The following TANC2 variants were observed in gnomAD, a reference collection of about 807,000 sequenced individuals.
TANC2 encodes protein TANC2.
In TANC2, 26 loss-of-function variants were observed where a neutral mutation model predicts 210.5. The observed-to-expected ratio is 0.12, with a 90% CI of 0.09 to 0.17. The LOEUF (loss-of-function observed/expected upper bound fraction) is 0.17, where lower values mean the gene tolerates loss of function less well. Among genes scored for constraint, TANC2 ranks in the 10% least tolerant of loss-of-function variants. TANC2 has a pLI of 1.00. For synonymous variants in TANC2, 931 were observed against 967.1 expected (o/e 0.96, Z 0.69); for missense variants, 2,129 against 2,608.9 (o/e 0.82, Z 4.01).
At chr17:63,045,153 G>A (rs994498729) in intron 2 of TANC2, among the ~76,000 whole-genome samples, 2 of 152,250 alleles carry the variant, frequency 1.3e-5, no homozygotes, top group South Asian at 2.1e-4. Flanking sequence ...AGATACAGAC[G>A]CACTCATTTA....
chr17:63,151,629 A>T (rs942857532), intron 5 of TANC2: 1 of 153,324 alleles, frequency 6.5e-6, no homozygotes, highest in African/African-American at 2.4e-5. Flanking sequence ...ATTTTGGTAG[A>T]TAAGTAGTTT....
At chr17:63,287,133 A>C (rs554929649) in intron 9 of TANC2, among the ~76,000 whole-genome samples, 1 of 152,040 alleles carries the variant, frequency 6.6e-6, no homozygotes, top group African/African-American at 2.4e-5. Context: ...GGGTTTTGCT[A>C]TGTTGGCCAG....
chr17:63,012,835 G>T (rs1366898009), intron 2 of TANC2, among the ~76,000 whole-genome samples: 1 of 151,934 alleles, frequency 6.6e-6, no homozygotes, highest in African/African-American at 2.4e-5. Flanking sequence ...AAATGTTTTT[G>T]TAGAGATGAG....
rs576158093 is a variant in TANC2, at chr17:63,346,228, A to G, written c.1808-5022A>G. ...TGGAATAGGTAAAGATTTCTTAAGG[A>G]CACAAAGTATCACTAATTATATAAA... On this transcript the variant is annotated intron_variant, in intron 12 of 27. Coordinates refer to ENST00000689528, the Ensembl canonical transcript of TANC2. 2.0e-5 allele frequency among the ~76,000 whole-genome samples: 3 copies of G among 152,348 alleles called. No homozygotes were observed. The South Asian group carries it at 6.2e-4, about 32-fold the overall frequency.
At chr17:63,336,068 A>G (rs1031683489) in intron 11 of TANC2, among the ~76,000 whole-genome samples, 2 of 152,378 alleles carry the variant, frequency 1.3e-5, no homozygotes, top group Middle Eastern at 3.4e-3. Flanking sequence ...GATTAGAATC[A>G]GAATTGAGGG....
chr17:63,369,084 A>C (rs926472577), intron 14 of TANC2, among the ~76,000 whole-genome samples: 1 of 152,226 alleles, frequency 6.6e-6, no homozygotes, highest in South Asian at 2.1e-4. Context: ...AGAAAGGGAG[A>C]TGGAGGCACG....
At chr17:63,134,509 T>C (rs2039023440) in intron 4 of TANC2, among the ~76,000 whole-genome samples, 1 of 152,226 alleles carries the variant, frequency 6.6e-6, no homozygotes. Context: ...GAGTCCAAGA[T>C]CCATATTTTA....
intron 3 of TANC2, among the ~76,000 whole-genome samples, chr17:63,084,067 T>C (rs560271497): frequency 5.1e-4 from 77 of 152,316 alleles, no homozygotes; most frequent in Non-Finnish European, 9.7e-4. Context: ...GTGTAATTTC[T>C]TCCATAAATG....
rs775147144 is a variant in TANC2 at position 63,099,198 on chromosome 17, T to C, written c.163T>C (p.Cys55Arg). 1.9e-6 allele frequency: 3 copies of C among 1,608,962 alleles called. No individual in the cohort carries two copies. The highest frequency in any genetic ancestry group is 2.5e-6 in the Non-Finnish European group (3 of 1,177,538). The change falls in exon 4 of 28, where the codon TGT becomes CGT. Residue 55 changes from cysteine (C) to arginine (R), a missense_variant. Coordinates refer to ENST00000689528, the Ensembl canonical transcript of TANC2. ...AGGTGGCATCTCCACAGAAAGCGAC[T>C]GTGCTTTTGAGCCAGACTACGCTGT... is the stretch of plus-strand genomic sequence containing the variant.
intron 3 of TANC2, among the ~76,000 whole-genome samples, chr17:63,080,088 C>G (rs115880377): frequency 7.0e-4 from 107 of 152,222 alleles, no homozygotes; most frequent in African/African-American, 2.5e-3. Flanking sequence ...TCTATTGGGT[C>G]TCCATTTTTC....
intron 3 of TANC2, among the ~76,000 whole-genome samples, chr17:63,082,964 A>G (rs773312237): frequency 6.6e-6 from 1 of 152,212 alleles, no homozygotes; most frequent in Non-Finnish European, 1.5e-5. Context: ...CTTTGACACC[A>G]GATATCTTTG....
rs147332389 is a variant in TANC2 at position 63,399,702 on chromosome 17, G to A, written c.3331+788G>A. ...AATATTGAGATGGCCAATCTAGGGA[G>A]AATATTTTACTAAACAAGAAGGGTA... On this transcript the variant is annotated intron_variant, in intron 19 of 27. Transcript: ENST00000689528. Among the ~76,000 whole-genome samples the A allele has an allele frequency of 2.6e-4, 39 of 152,312 alleles. No homozygotes were observed. The East Asian group carries it at 5.6e-3, about 22-fold the overall frequency.
chr17:63,243,518 A>T (rs1485409117), intron 8 of TANC2, among the ~76,000 whole-genome samples: 1 of 152,230 alleles, frequency 6.6e-6, no homozygotes, highest in African/African-American at 2.4e-5. Context: ...AGAACACACT[A>T]CTGTTACAAC....
chr17:63,097,011 G>C (rs1416267805), intron 3 of TANC2, among the ~76,000 whole-genome samples: 1 of 151,566 alleles, frequency 6.6e-6, no homozygotes, highest in Non-Finnish European at 1.5e-5. Flanking sequence ...ATCTTCTTTG[G>C]AGAAATGTTT....
intron 5 of TANC2, among the ~76,000 whole-genome samples, chr17:63,187,306 T>C: frequency 6.6e-6 from 1 of 152,222 alleles, no homozygotes. Flanking sequence ...CTTTGTATGC[T>C]TTATTTTCGT....
At chr17:63,150,830 A>C (rs189322926) in intron 4 of TANC2, 1 of 152,222 alleles carries the variant, frequency 6.6e-6, no homozygotes, top group East Asian at 1.9e-4. Flanking sequence ...ACCTTGAAAC[A>C]TAGTCCTGTG....
chr17:63,095,665 G>C (rs2037360314), intron 3 of TANC2, among the ~76,000 whole-genome samples: 1 of 152,068 alleles, frequency 6.6e-6, no homozygotes, highest in African/African-American at 2.4e-5. Context: ...ACCTAGATCA[G>C]CTGACTCAGA....
intron 6 of TANC2, 74 bp from the exon 7 acceptor site, chr17:63,200,697 C>T (rs1266418549): frequency 1.7e-5 from 22 of 1,308,632 alleles, no homozygotes; most frequent in Non-Finnish European, 2.3e-5. Flanking sequence ...TTCATCAAAG[C>T]ATTTATTTTA....
chr17:63,299,428 G>A (rs1234671601), intron 9 of TANC2, among the ~76,000 whole-genome samples: 1 of 151,856 alleles, frequency 6.6e-6, no homozygotes, highest in African/African-American at 2.4e-5. Flanking sequence ...AGCCTCACCA[G>A]CATCTATTGT....
Sources: allele counts gnomAD v4.1 joint callset (sites outside exome capture counted in the v4.1 genomes callset), GRCh38; gene constraint gnomAD v4.1.1; transcripts MANE v1.5; gene names NCBI Gene and HGNC (gene_info 2026-07-23, HGNC 2026-07-21).